The following ALCAM variants were observed in gnomAD, a reference collection of about 807,000 sequenced individuals.
ALCAM encodes activated leukocyte cell adhesion molecule.
Under a neutral mutation model 70.9 loss-of-function variants are expected in ALCAM, and 30 were observed. The observed-to-expected ratio is 0.42, with a 90% CI of 0.32 to 0.57. The LOEUF is 0.57. ALCAM is among the 20% of genes least tolerant of loss of function. The pLI is 0.11. For missense variants in ALCAM, 591 were observed against 695.1 expected (o/e 0.85, Z 1.68); for synonymous variants, 249 against 242.5 (o/e 1.03, Z -0.25).
chr3:105,563,428 T>C (rs990496335), intron 14 of ALCAM, among the ~76,000 whole-genome samples: 39 of 151,814 alleles, frequency 2.6e-4, no homozygotes, highest in African/African-American at 7.9e-4. Context: ...TACTACTTTT[T>C]TCTTTACATT....
intron 13 of ALCAM, 25 bp from the exon 14 acceptor site, chr3:105,552,443 C>A: frequency 6.2e-7 from 1 of 1,602,122 alleles, no homozygotes; most frequent in East Asian, 2.2e-5. Context: ...TCTGTAATTG[C>A]ATGGACTTTT....
At chr3:105,565,663 T>C (rs1294354460) in intron 14 of ALCAM, among the ~76,000 whole-genome samples, 1 of 152,198 alleles carries the variant, frequency 6.6e-6, no homozygotes, top group Non-Finnish European at 1.5e-5. Context: ...TTAGTAATTT[T>C]TGTTTGGATG....
chr3:105,550,687 C>T (rs1188969616), intron 12 of ALCAM, among the ~76,000 whole-genome samples: 1 of 151,492 alleles, frequency 6.6e-6, no homozygotes, highest in African/African-American at 2.4e-5. Context: ...ATTTATCCTA[C>T]CCTTATGTTG....
At chr3:105,525,497 A>T in intron 3 of ALCAM, 2 of 352,290 alleles carry the variant, frequency 5.7e-6, no homozygotes, top group Non-Finnish European at 8.0e-6. Context: ...ATTAGGGAAG[A>T]AGGTTTCACT....
chr3:105,515,723 G>A (rs1576214516), intron 1 of ALCAM, among the ~76,000 whole-genome samples: 2 of 152,114 alleles, frequency 1.3e-5, no homozygotes, highest in East Asian at 3.9e-4. Context: ...ATAGTGACCA[G>A]GTTGAGAAAC....
intron 14 of ALCAM, among the ~76,000 whole-genome samples, chr3:105,566,706 CTCTA>C (rs1356826853): frequency 5.3e-5 from 8 of 152,034 alleles, no homozygotes; most frequent in African/African-American, 1.9e-4. Flanking sequence ...ATTTAACTTC[CTCTA>C]TCTTTGTTGC....
At chr3:105,522,778 A>C (rs2152623694) in intron 2 of ALCAM, among the ~76,000 whole-genome samples, 1 of 152,358 alleles carries the variant, frequency 6.6e-6, no homozygotes, top group East Asian at 1.9e-4. Flanking sequence ...TCTAGTCTGT[A>C]GATGAGGCTA....
At chr3:105,563,049 G>A (rs950434101) in intron 14 of ALCAM, among the ~76,000 whole-genome samples, 3 of 151,636 alleles carry the variant, frequency 2.0e-5, no homozygotes, top group Non-Finnish European at 2.9e-5. Flanking sequence ...CAGGTGATCC[G>A]CCCTCCTTGG....
At chr3:105,504,285 G>C (rs1479145322) in intron 1 of ALCAM, among the ~76,000 whole-genome samples, 3 of 152,184 alleles carry the variant, frequency 2.0e-5, no homozygotes, top group Admixed American at 6.5e-5. Context: ...TAGTTTCGCC[G>C]TCTATAGGCG....
At chr3:105,382,307 T>C (rs916726138) in intron 1 of ALCAM, among the ~76,000 whole-genome samples, 94 of 152,074 alleles carry the variant, frequency 6.2e-4, no homozygotes, top group African/African-American at 2.1e-3. Flanking sequence ...CCATGGTGTA[T>C]ATGTGCCACA....
intron 1 of ALCAM, among the ~76,000 whole-genome samples, chr3:105,385,812 T>A (rs909675080): frequency 6.6e-6 from 1 of 151,672 alleles, no homozygotes; most frequent in African/African-American, 2.4e-5. Context: ...AAACTAAAGC[T>A]CAGTTAAATA....
intron 14 of ALCAM, among the ~76,000 whole-genome samples, chr3:105,560,601 C>A (rs563435516): frequency 2.6e-5 from 4 of 152,176 alleles, no homozygotes; most frequent in Non-Finnish European, 5.9e-5. Context: ...TATATGAAAT[C>A]TTTGCTTATC....
Position 105,399,196 on chromosome 3 carries a change from G to C in ALCAM, c.73+31715G>C, listed in dbSNP as rs549379144. On this transcript the variant is annotated intron_variant, in intron 1 of 15. Transcript: ENST00000306107. ...TTTTAACAGAAATTATTCAGATATA[G>C]TTCAGACACTGATCATTTCTGTATG... Among the ~76,000 whole-genome samples the C allele has an allele frequency of 3.9e-5, 6 of 152,184 alleles. No homozygotes were observed. In the East Asian group the frequency reaches 1.2e-3, roughly 29 times the overall value.
intron 14 of ALCAM, among the ~76,000 whole-genome samples, chr3:105,554,873 A>G (rs1940483016): frequency 6.6e-6 from 1 of 151,882 alleles, no homozygotes; most frequent in Admixed American, 6.6e-5. Context: ...ACTTCTGAAT[A>G]CTCCACAGTA....
intron 1 of ALCAM, among the ~76,000 whole-genome samples, chr3:105,493,148 G>T (rs1938636094): frequency 6.6e-6 from 1 of 152,128 alleles, no homozygotes; most frequent in South Asian, 2.1e-4. Flanking sequence ...TACAAAATCA[G>T]AATTAACTGC....
intron 1 of ALCAM, among the ~76,000 whole-genome samples, chr3:105,488,885 T>C (rs1046675348): frequency 3.9e-5 from 6 of 152,176 alleles, no homozygotes; most frequent in African/African-American, 1.4e-4. Flanking sequence ...AAATGCAAGA[T>C]TAGATTGAAC....
chr3:105,560,897 T>C (rs1940617399), intron 14 of ALCAM, among the ~76,000 whole-genome samples: 1 of 152,304 alleles, frequency 6.6e-6, no homozygotes, highest in African/African-American at 2.4e-5. Flanking sequence ...CTTTGCATGT[T>C]CATATAAATT....
At chr3:105,478,300 G>T (rs965356825) in intron 1 of ALCAM, among the ~76,000 whole-genome samples, 2 of 152,030 alleles carry the variant, frequency 1.3e-5, no homozygotes, top group African/African-American at 2.4e-5. Context: ...TCTTCTACAG[G>T]CTTCTTGGAG....
intron 1 of ALCAM, among the ~76,000 whole-genome samples, chr3:105,502,639 A>G (rs775737015): frequency 1.3e-5 from 2 of 152,278 alleles, no homozygotes; most frequent in African/African-American, 4.8e-5. Context: ...AGAGACTGCT[A>G]TCTCTCAGTT....
Sources: allele counts gnomAD v4.1 joint callset (sites outside exome capture counted in the v4.1 genomes callset), GRCh38; gene constraint gnomAD v4.1.1; transcripts MANE v1.5; gene names NCBI Gene and HGNC (gene_info 2026-07-23, HGNC 2026-07-21).